The following HDAC4 variants were observed in gnomAD, a reference collection of about 807,000 sequenced individuals.
The protein encoded by HDAC4 is histone deacetylase A.
Under a neutral mutation model 135.1 loss-of-function variants are expected in HDAC4, and 16 were observed. The observed-to-expected ratio is 0.12, with a 90% CI of 0.08 to 0.18. HDAC4 has a LOEUF of 0.18. HDAC4 is among the 10% of genes least tolerant of loss of function. The probability of loss-of-function intolerance (pLI) is 1.00; values close to 1 mark genes in which losing one functional copy is unlikely to be tolerated. For synonymous variants in HDAC4, 685 were observed against 653.4 expected (o/e 1.05, Z -0.74); for missense variants, 1,143 against 1,511.8 (o/e 0.76, Z 4.05).
chr2:239,189,080 AG>A lies in HDAC4; in HGVS notation c.339+752del, dbSNP rs200701563. On this transcript the variant is annotated intron_variant, in intron 4 of 26. Transcript: ENST00000543185. ...TTTGTTACACAGATATAGATAACTT[AG>A]TCTGGTTTTGTGGGATTTTTCACTT... Among the ~76,000 whole-genome samples the A allele has an allele frequency of 8.0e-3, 1,212 of 152,300 alleles. 22 individuals carry two copies. The highest frequency in any genetic ancestry group is 0.028 in the African/African-American group (1,160 of 41,560).
At chr2:239,247,410 T>C (rs543289642) in intron 2 of HDAC4, among the ~76,000 whole-genome samples, 1 of 152,170 alleles carries the variant, frequency 6.6e-6, no homozygotes, top group Admixed American at 6.5e-5. Flanking sequence ...GAGGCTGACA[T>C]GAGGAGTGAA....
chr2:239,327,238 G>C (rs1005325483), intron 2 of HDAC4, among the ~76,000 whole-genome samples: 4 of 152,240 alleles, frequency 2.6e-5, no homozygotes, highest in Non-Finnish European at 4.4e-5. Context: ...CCACCTGGGA[G>C]GGAGGGTGTG....
At chr2:239,171,124 C>T (rs2043423350) in intron 5 of HDAC4, among the ~76,000 whole-genome samples, 1 of 139,814 alleles carries the variant, frequency 7.2e-6, no homozygotes, top group African/African-American at 2.7e-5. Flanking sequence ...CAAAGTCAGA[C>T]ATGCAACCTA....
chr2:239,065,799 C>T (rs561281417), intron 24 of HDAC4, among the ~76,000 whole-genome samples: 1 of 152,344 alleles, frequency 6.6e-6, no homozygotes, highest in South Asian at 2.1e-4. Flanking sequence ...GTTCTCCGGA[C>T]CTGCACTGGA....
chr2:239,171,533 T>C (rs1025867209), intron 5 of HDAC4, among the ~76,000 whole-genome samples: 21 of 152,238 alleles, frequency 1.4e-4, no homozygotes, highest in East Asian at 9.6e-4. Flanking sequence ...CACAGGTGTA[T>C]AACTAAATCC....
intron 3 of HDAC4, among the ~76,000 whole-genome samples, chr2:239,225,663 G>A (rs2047201718): frequency 6.6e-6 from 1 of 152,184 alleles, no homozygotes; most frequent in South Asian, 2.1e-4. Flanking sequence ...GGGTGCTGTA[G>A]AACTGAAAGA....
chr2:239,284,429 G>A (rs1205262533), intron 2 of HDAC4, among the ~76,000 whole-genome samples: 1 of 152,186 alleles, frequency 6.6e-6, no homozygotes, highest in African/African-American at 2.4e-5. Context: ...CCTCCGCGGG[G>A]CCTCGGGGAG....
chr2:239,304,223 C>G (rs1456007402), intron 2 of HDAC4, among the ~76,000 whole-genome samples: 2 of 152,018 alleles, frequency 1.3e-5, no homozygotes, highest in African/African-American at 4.8e-5. Flanking sequence ...GAAGTCCACA[C>G]AGGACACAAA....
intron 19 of HDAC4, among the ~76,000 whole-genome samples, chr2:239,086,761 GC>G (rs1312254889): frequency 1.3e-5 from 2 of 152,170 alleles, no homozygotes; most frequent in Non-Finnish European, 2.9e-5. Context: ...CTGACAAACT[GC>G]TGCTCCAACT....
chr2:239,262,921 G>C lies in HDAC4; in HGVS notation c.23-26257C>G, dbSNP rs905397343. Among the ~76,000 whole-genome samples, 1 of 152,110 alleles carries C rather than the reference G, an allele frequency of 6.6e-6. No homozygotes were observed. The highest frequency in any genetic ancestry group is 1.5e-5 in the Non-Finnish European group (1 of 68,020). On this transcript the variant is annotated intron_variant, in intron 2 of 26. Coordinates refer to ENST00000543185, the MANE Select transcript of HDAC4 (RefSeq NM_001378414.1). The surrounding 1 kb of genome is among the most constrained non-coding windows in gnomAD (Gnocchi z 4.1). The stretch of plus-strand genomic sequence containing the variant: ...CACTGGAAGGTCACGGCACCACTGA[G>C]ACAGCCTGGAAGCTTCTGTGCTTCA...
intron 16 of HDAC4, among the ~76,000 whole-genome samples, chr2:239,099,892 C>T (rs571500903): frequency 2.4e-4 from 37 of 152,344 alleles, no homozygotes; most frequent in African/African-American, 7.5e-4. Context: ...GCGTGTCCTC[C>T]GGTGGCTTCC....
intron 1 of HDAC4, among the ~76,000 whole-genome samples, chr2:239,387,082 G>A (rs897986721): frequency 1.4e-5 from 2 of 140,988 alleles, no homozygotes; most frequent in Non-Finnish European, 2.9e-5. Flanking sequence ...GGGAGCACGA[G>A]TGTGTGGGTG....
chr2:239,341,054 T>G (rs1326684083), intron 2 of HDAC4, among the ~76,000 whole-genome samples: 2 of 152,220 alleles, frequency 1.3e-5, no homozygotes, highest in African/African-American at 4.8e-5. Context: ...CTACAAAAAC[T>G]AAAACTCCTC....
At chr2:239,393,040 C>A (rs1696334068) in intron 1 of HDAC4, among the ~76,000 whole-genome samples, 1 of 152,202 alleles carries the variant, frequency 6.6e-6, no homozygotes, top group African/African-American at 2.4e-5. Flanking sequence ...AGAGGAAGCT[C>A]TCGCCAGCAC....
intron 1 of HDAC4, among the ~76,000 whole-genome samples, chr2:239,385,046 T>C (rs375289452): frequency 1.3e-5 from 2 of 152,246 alleles, no homozygotes; most frequent in East Asian, 3.9e-4. Context: ...AAGGCTTCCA[T>C]GGAAGAGCCC....
At chr2:239,177,593 G>A (rs2043855651) in intron 4 of HDAC4, among the ~76,000 whole-genome samples, 1 of 152,166 alleles carries the variant, frequency 6.6e-6, no homozygotes, top group Non-Finnish European at 1.5e-5. Flanking sequence ...ACCCTTAAGG[G>A]CTGGCATTCT....
At chr2:239,324,969 C>A (rs779795009) in intron 2 of HDAC4, among the ~76,000 whole-genome samples, 2 of 152,226 alleles carry the variant, frequency 1.3e-5, no homozygotes, top group Non-Finnish European at 2.9e-5. Context: ...AAGACACATG[C>A]TCTCTTACAG....
chr2:239,074,750 A>G (rs903075393), intron 22 of HDAC4, among the ~76,000 whole-genome samples: 26 of 152,356 alleles, frequency 1.7e-4, no homozygotes, highest in Non-Finnish European at 2.9e-4. Context: ...TCCATGGGAC[A>G]TGACTTCTTT....
At chr2:239,116,092 C>T (rs761740181) in intron 12 of HDAC4, among the ~76,000 whole-genome samples, 2 of 152,228 alleles carry the variant, frequency 1.3e-5, no homozygotes, top group South Asian at 2.1e-4. Context: ...CCTCTCAGTG[C>T]GGAACAGGCG....
Sources: gnomAD v4.1 joint callset for allele counts (sites outside exome capture counted in the v4.1 genomes callset) on GRCh38, gnomAD v4.1.1 for gene constraint, Gnocchi (gnomAD v3.1) non-coding constraint, MANE v1.5 for transcripts, NCBI Gene and HGNC (gene_info 2026-07-23, HGNC 2026-07-21) for gene names.